ANKS1A: variants seen among roughly 807,000 people sequenced by gnomAD.
ANKS1A encodes ankyrin repeat and SAM domain-containing protein 1A.
ANKS1A carries 55 observed loss-of-function variants against 120.3 expected under a neutral mutation model. The observed-to-expected ratio is 0.46, with a 90% CI of 0.37 to 0.57. The LOEUF (loss-of-function observed/expected upper bound fraction) is 0.57. Among genes scored for constraint, ANKS1A ranks in the 20% least tolerant of loss-of-function variants. The pLI, the probability that ANKS1A is intolerant of heterozygous loss-of-function variation, is 0.00. For synonymous variants in ANKS1A, 590 were observed against 604.7 expected, an observed-to-expected ratio of 0.98 and a Z score of 0.36; for missense variants, 1,123 against 1,480.3, an observed-to-expected ratio of 0.76 and a Z score of 3.96.
chr6:35,013,945 A>G lies in ANKS1A; in HGVS notation c.1424-3528A>G, dbSNP rs577751824. Among the ~76,000 whole-genome samples the G allele has an allele frequency of 1.4e-4, 21 of 152,328 alleles. No homozygotes were observed. The East Asian group carries it at 3.7e-3, about 27-fold the overall frequency. ...GAGGATAATAACAATTTCAACATCT[A>G]TTGAGAGCGTGGCATGTGCTAGACA... On this transcript the variant is annotated intron_variant, in intron 10 of 23. Coordinates refer to ENST00000360359, the MANE Select transcript of ANKS1A (RefSeq NM_015245.3).
chr6:35,034,448 T>C (rs1023760115), intron 11 of ANKS1A, among the ~76,000 whole-genome samples: 10 of 152,190 alleles, frequency 6.6e-5, no homozygotes, highest in African/African-American at 2.2e-4. Context: ...AGGGCACTCA[T>C]TGACGTTAGT....
In ANKS1A at chr6:35,089,771, T is replaced by C; in HGVS notation, c.*1162T>C. 9.9e-7 allele frequency: 1 copy of C among 1,009,798 alleles called. No homozygotes were observed. The highest frequency in any genetic ancestry group is 1.2e-6 in the Non-Finnish European group (1 of 845,232). 62.6% of individuals were successfully genotyped at this position (1,009,798 alleles called of 1,614,324 possible). On this transcript the variant is annotated 3_prime_UTR_variant, in exon 24 of 24. Transcript: ENST00000360359. ...AAGTAACTTGGGTTGCATTCTTCCC[T>C]CTGGACTAGAGTAGAAATGCAGGGG...
rs1310740331 is a variant in ANKS1A, at chr6:34,934,875, T to C, written c.198-32364T>C. On this transcript the variant is annotated intron_variant, in intron 1 of 23. Coordinates refer to ENST00000360359, the MANE Select transcript of ANKS1A (RefSeq NM_015245.3). ...TCCTTTTCCTTCACATTTTATTTTA[T>C]AAGGCTGTTGTGGGTCACTTTTTCT... Among the ~76,000 whole-genome samples, 3 of 152,266 alleles carry C rather than the reference T, an allele frequency of 2.0e-5. No homozygotes were observed. The East Asian group carries it at 5.8e-4, about 29-fold the overall frequency.
At chr6:35,091,565 C>G (rs1430141174), downstream of ANKS1A, among the ~76,000 whole-genome samples, 1 of 152,074 alleles carries the variant, frequency 6.6e-6, no homozygotes, top group Non-Finnish European at 1.5e-5. Flanking sequence ...CTGTCTCGCA[C>G]TCTCTAACAA....
chr6:34,940,158 C>T (rs543062825), intron 1 of ANKS1A, among the ~76,000 whole-genome samples: 13 of 152,204 alleles, frequency 8.5e-5, no homozygotes, highest in South Asian at 4.1e-4. Flanking sequence ...ATTGTGTCTC[C>T]GAAGTTGAGA....
rs1778127323 is a variant in ANKS1A, at chr6:35,088,628, T to C, written c.*19T>C. 6.2e-7 allele frequency: 1 copy of C among 1,614,114 alleles called. No individual in the cohort carries two copies. ...AAGCTGAGCCACTGAGGAACCACAC[T>C]GTGCTGCGGAAACATAGACGTGGGG... is the stretch of plus-strand genomic sequence containing the variant. On this transcript the variant is annotated 3_prime_UTR_variant, in exon 24 of 24. Coordinates refer to ENST00000360359, the MANE Select transcript of ANKS1A (RefSeq NM_015245.3).
chr6:35,070,761 GGCGTGAGCCACCGTGCACA>G (rs975092632), intron 13 of ANKS1A: 3 of 314,506 alleles, frequency 9.5e-6, no homozygotes, highest in African/African-American at 6.6e-5. Flanking sequence ...TGGGATTACA[GGCGTGAGCCACCGTGCACA>G]GCCCACAAGC....
At chr6:35,088,525 G>GTGTT (rs1426893883) in intron 23 of ANKS1A, 81 bp from the exon 24 acceptor site, 32 of 1,572,178 alleles carry the variant, frequency 2.0e-5, no homozygotes, top group Non-Finnish European at 2.6e-5. Context: ...GTCCTGCTCT[G>GTGTT]TGTTTCCTTT....
chr6:35,009,605 C>A (rs1250655390), intron 10 of ANKS1A, among the ~76,000 whole-genome samples: 1 of 151,914 alleles, frequency 6.6e-6, no homozygotes, highest in Non-Finnish European at 1.5e-5. Flanking sequence ...TGATTCTTAA[C>A]GTTAAAGAGA....
intron 3 of ANKS1A, among the ~76,000 whole-genome samples, chr6:34,977,517 C>T (rs1410809178): frequency 6.6e-6 from 1 of 152,016 alleles, no homozygotes; most frequent in Non-Finnish European, 1.5e-5. Context: ...ACCCTCTACC[C>T]TGTATTTTAA....
At chr6:34,946,992 G>A (rs1221504112) in intron 1 of ANKS1A, among the ~76,000 whole-genome samples, 1 of 152,188 alleles carries the variant, frequency 6.6e-6, no homozygotes, top group Non-Finnish European at 1.5e-5. Context: ...CTGTGTGCTT[G>A]CACAAGTGAC....
At chr6:34,959,982 G>A (rs1770553969) in intron 1 of ANKS1A, among the ~76,000 whole-genome samples, 1 of 152,016 alleles carries the variant, frequency 6.6e-6, no homozygotes, top group Non-Finnish European at 1.5e-5. Context: ...CCCTGGCAGT[G>A]AACACTACTA....
intron 3 of ANKS1A, among the ~76,000 whole-genome samples, chr6:34,978,695 C>T (rs1442041265): frequency 2.0e-5 from 3 of 149,814 alleles, no homozygotes; most frequent in Non-Finnish European, 4.4e-5. Flanking sequence ...ATCCCAGCTA[C>T]TAGGGAGGCT....
intron 1 of ANKS1A, among the ~76,000 whole-genome samples, chr6:34,932,718 T>C (rs1389258831): frequency 6.6e-6 from 1 of 152,238 alleles, no homozygotes; most frequent in Non-Finnish European, 1.5e-5. Context: ...AATATTCCAT[T>C]GTATGAGTAT....
chr6:34,927,006 G>A lies in ANKS1A; in HGVS notation c.197+37407G>A, dbSNP rs146879730. On this transcript the variant is annotated intron_variant, in intron 1 of 23. Coordinates refer to ENST00000360359, the MANE Select transcript of ANKS1A (RefSeq NM_015245.3). Reference sequence around the variant, plus strand: ...TTTCCTGCTGTGTGACCTTGGGCCAGTTAACCTATCTGTGCCTCAGTTTGT... The same window carrying A: ...TTTCCTGCTGTGTGACCTTGGGCCAATTAACCTATCTGTGCCTCAGTTTGT... Among the ~76,000 whole-genome samples, 77 of 152,322 alleles carry A rather than the reference G, an allele frequency of 5.1e-4. No homozygotes were observed. In the Middle Eastern group the frequency reaches 0.014, roughly 27 times the overall value.
intron 13 of ANKS1A, chr6:35,070,918 CTTGCCATAGTCCT>C (rs1457551674): frequency 2.3e-5 from 15 of 659,956 alleles, no homozygotes; most frequent in Non-Finnish European, 3.3e-5. Context: ...CCTGAGACTC[CTTGCCATAGTCCT>C]TAACTACTAC....
chr6:34,908,890 GA>G (rs907110544), intron 1 of ANKS1A, among the ~76,000 whole-genome samples: 103 of 140,964 alleles, frequency 7.3e-4, no homozygotes, highest in Middle Eastern at 3.5e-3. Context: ...TATTAGTAAA[GA>G]AAAAAAAAAG....
downstream of ANKS1A, among the ~76,000 whole-genome samples, chr6:35,094,695 C>T (rs1778406111): frequency 1.3e-5 from 2 of 151,832 alleles, no homozygotes; most frequent in Admixed American, 6.6e-5. Context: ...AAAGAATGCA[C>T]CATAAACTGG....
At chr6:34,960,944 A>C (rs1770607504) in intron 1 of ANKS1A, among the ~76,000 whole-genome samples, 1 of 152,204 alleles carries the variant, frequency 6.6e-6, no homozygotes, top group Admixed American at 6.5e-5. Flanking sequence ...GCGAGTTTTG[A>C]AGTCAGTTTG....
Sources: allele counts gnomAD v4.1 joint callset (sites outside exome capture counted in the v4.1 genomes callset), GRCh38; gene constraint gnomAD v4.1.1; transcripts MANE v1.5; gene names NCBI Gene and HGNC (gene_info 2026-07-23, HGNC 2026-07-21).